NEDD4: variants seen among roughly 807,000 people sequenced by gnomAD.
The protein encoded by NEDD4 is E3 ubiquitin-protein ligase NEDD4.
NEDD4 carries 99 observed loss-of-function variants against 144.9 expected under a neutral mutation model. The observed-to-expected ratio is 0.68, with a 90% confidence interval of 0.58 to 0.81. NEDD4 has a LOEUF of 0.81. Ranked by LOEUF, NEDD4 falls within the 30% of genes least tolerant of loss-of-function variation. The pLI is 0.00. For missense variants in NEDD4, 985 were observed against 1,065.9 expected (o/e 0.92, Z 1.06); for synonymous variants, 318 against 350.6 (o/e 0.91, Z 1.04).
At position 55,993,493 on chromosome 15, in the gene NEDD4, GC is replaced by G; in HGVS notation, c.45+17del. ...AACCCGAAGGGAAGCCCGCCCCGCA[GC>G]CCCGCGGTCCCCGCACCTCGTCCTC... On this transcript the variant is annotated intron_variant, in intron 1 of 28. Transcript: ENST00000435532. The G allele has an allele frequency of 1.3e-6, 2 of 1,594,880 alleles. No homozygotes were observed. The highest frequency in any genetic ancestry group is 2.4e-5 in the East Asian group (1 of 42,324).
chr15:55,945,840 A>G (rs2037102024), intron 4 of NEDD4, among the ~76,000 whole-genome samples: 2 of 152,208 alleles, frequency 1.3e-5, no homozygotes, highest in African/African-American at 4.8e-5. Flanking sequence ...GCCAGAAGAC[A>G]GTGGGGGCCA....
intron 5 of NEDD4, among the ~76,000 whole-genome samples, chr15:55,897,327 C>T (rs1389190131): frequency 6.6e-6 from 1 of 152,182 alleles, no homozygotes; most frequent in Non-Finnish European, 1.5e-5. Flanking sequence ...CTTACTTAAT[C>T]CTTCCTTTGT....
intron 1 of NEDD4, among the ~76,000 whole-genome samples, chr15:55,992,198 T>A (rs991673561): frequency 6.6e-6 from 1 of 152,208 alleles, no homozygotes; most frequent in East Asian, 1.9e-4. Context: ...TAGAATGATA[T>A]CTTTAGCTGT....
At chr15:55,979,594 C>T (rs2037766051) in intron 1 of NEDD4, among the ~76,000 whole-genome samples, 2 of 151,146 alleles carry the variant, frequency 1.3e-5, no homozygotes, top group Non-Finnish European at 3.0e-5. Context: ...ACCTCATGAT[C>T]CACCCGCCTC....
At chr15:55,832,326 C>G (rs1156875702) in intron 27 of NEDD4, among the ~76,000 whole-genome samples, 2 of 152,174 alleles carry the variant, frequency 1.3e-5, no homozygotes, top group Non-Finnish European at 2.9e-5. Context: ...AGGTATTCAA[C>G]CATGACTCTG....
rs747564480 is a variant in NEDD4 at position 55,829,876 on chromosome 15, C to T, written c.*21G>A. 6 of 1,585,982 alleles carry T rather than the reference C, an allele frequency of 3.8e-6. No individual in the cohort carries two copies. The South Asian group carries it at 6.8e-5, about 18-fold the overall frequency. ...TTATAAAACTATGGCAGTAAAAACA[C>T]TACAGATTGTTATTTGTAATCTAAT... is the stretch of plus-strand genomic sequence containing the variant. On this transcript the variant is annotated 3_prime_UTR_variant, in exon 29 of 29. Coordinates refer to ENST00000435532, the MANE Select transcript of NEDD4 (RefSeq NM_006154.4).
At chr15:55,881,221 A>C (rs2035183175) in intron 5 of NEDD4, among the ~76,000 whole-genome samples, 1 of 150,180 alleles carries the variant, frequency 6.7e-6, no homozygotes, top group African/African-American at 2.5e-5. Context: ...GGCTCACTGC[A>C]ACCTCTACCT....
intron 7 of NEDD4, among the ~76,000 whole-genome samples, chr15:55,872,028 GCAAA>G (rs1165730332): frequency 6.6e-6 from 1 of 152,068 alleles, no homozygotes; most frequent in Admixed American, 6.6e-5. Context: ...TACTAAGTAT[GCAAA>G]ATATAGTTAG....
intron 4 of NEDD4, among the ~76,000 whole-genome samples, chr15:55,933,297 T>C (rs974326966): frequency 6.6e-6 from 1 of 151,966 alleles, no homozygotes; most frequent in African/African-American, 2.4e-5. Flanking sequence ...CCATCAATGA[T>C]AGACTGGATT....
At chr15:55,974,791 T>A (rs1337548790) in intron 1 of NEDD4, among the ~76,000 whole-genome samples, 2 of 150,708 alleles carry the variant, frequency 1.3e-5, no homozygotes, top group African/African-American at 4.9e-5. Flanking sequence ...AAAAGCCATA[T>A]ATGACAGACC....
intron 1 of NEDD4, among the ~76,000 whole-genome samples, chr15:55,986,560 G>A (rs1462361583): frequency 3.4e-5 from 5 of 148,190 alleles, no homozygotes; most frequent in Non-Finnish European, 7.4e-5. Flanking sequence ...AAACATCGTA[G>A]GATGTAAGGC....
At chr15:55,905,731 T>C (rs920278764) in intron 5 of NEDD4, among the ~76,000 whole-genome samples, 17 of 152,354 alleles carry the variant, frequency 1.1e-4, no homozygotes, top group African/African-American at 3.6e-4. Context: ...GTTGTTTTTT[T>C]CTTGTAAATT....
intron 15 of NEDD4, 34 bp downstream of exon 15, chr15:55,848,772 C>T (rs753258172): frequency 6.7e-5 from 106 of 1,574,674 alleles, no homozygotes; most frequent in Middle Eastern, 5.0e-4. Flanking sequence ...TTGAGATAGC[C>T]AAGTTAGATG....
At chr15:55,894,767 A>G (rs2035686491) in intron 5 of NEDD4, among the ~76,000 whole-genome samples, 1 of 152,202 alleles carries the variant, frequency 6.6e-6, no homozygotes, top group East Asian at 1.9e-4. Flanking sequence ...ATTTAAAAAT[A>G]CAAACCATTT....
At chr15:55,949,462 A>G (rs56327716) in intron 4 of NEDD4, among the ~76,000 whole-genome samples, 20,451 of 152,210 alleles carry the variant, frequency 0.13, 1,497 homozygotes, top group East Asian at 0.32. Flanking sequence ...TATATACCCA[A>G]AGGATTATAA....
chr15:55,836,548 C>T (rs369789188), intron 24 of NEDD4, among the ~76,000 whole-genome samples: 15 of 151,720 alleles, frequency 9.9e-5, no homozygotes, highest in African/African-American at 2.7e-4. Flanking sequence ...TTTTTTGAGA[C>T]GGAGTCTCGC....
chr15:55,953,998 C>G (rs2037292589), intron 2 of NEDD4, among the ~76,000 whole-genome samples: 1 of 152,196 alleles, frequency 6.6e-6, no homozygotes, highest in Non-Finnish European at 1.5e-5. Flanking sequence ...CTCTTAACGA[C>G]TATAGCATAC....
chr15:55,891,886 T>G (rs115731768), intron 5 of NEDD4, among the ~76,000 whole-genome samples: 1 of 152,142 alleles, frequency 6.6e-6, no homozygotes, highest in Non-Finnish European at 1.5e-5. Flanking sequence ...GAATCCAAAG[T>G]AATAAAAAAT....
chr15:55,985,610 G>A (rs2037877712), intron 1 of NEDD4, among the ~76,000 whole-genome samples: 1 of 152,120 alleles, frequency 6.6e-6, no homozygotes. Context: ...GTTAGAAAAG[G>A]TACTTATGGC....
Sources: gnomAD v4.1 joint callset for allele counts (sites outside exome capture counted in the v4.1 genomes callset) on GRCh38, gnomAD v4.1.1 for gene constraint, MANE v1.5 for transcripts, NCBI Gene and HGNC (gene_info 2026-07-23, HGNC 2026-07-21) for gene names.